Variants in ACVR2A observed in about 807,000 individuals in gnomAD.
The protein encoded by ACVR2A is activin A receptor type 2A.
Under a neutral mutation model 61.4 loss-of-function variants are expected in ACVR2A, and 7 were observed. The ratio of observed to expected loss-of-function variants is 0.11; its 90% CI spans 0.06 to 0.21. ACVR2A has a LOEUF of 0.21. Among genes scored for constraint, ACVR2A ranks in the 10% least tolerant of loss-of-function variants. ACVR2A has a pLI of 1.00. For missense variants in ACVR2A, 322 were observed against 621.7 expected (o/e 0.52, Z 5.13); for synonymous variants, 193 against 208.3 (o/e 0.93, Z 0.63).
At chr2:147,900,853 G>A (rs1225578788) in intron 4 of ACVR2A, among the ~76,000 whole-genome samples, 3 of 151,822 alleles carry the variant, frequency 2.0e-5, no homozygotes, top group African/African-American at 7.3e-5. Flanking sequence ...GAAAAAAATG[G>A]CAAAGTCCTA....
At chr2:147,925,005 A>C (rs1384300020) in intron 9 of ACVR2A, among the ~76,000 whole-genome samples, 2 of 151,984 alleles carry the variant, frequency 1.3e-5, no homozygotes, top group Admixed American at 1.3e-4. Context: ...TGACCCCTTT[A>C]TGATTCATTG....
At chr2:147,910,195 G>A (rs904296522) in intron 4 of ACVR2A, among the ~76,000 whole-genome samples, 1 of 151,990 alleles carries the variant, frequency 6.6e-6, no homozygotes, top group Non-Finnish European at 1.5e-5. Context: ...TTATTTTATA[G>A]CTTATCCTAA....
chr2:147,877,508 C>G (rs1284379558), intron 1 of ACVR2A: 2 of 152,134 alleles, frequency 1.3e-5, no homozygotes, highest in Non-Finnish European at 2.9e-5. Context: ...CATACAAATT[C>G]ATGAAGAACA....
intron 9 of ACVR2A, chr2:147,925,677 A>G (rs1687485708): frequency 6.0e-6 from 1 of 167,810 alleles, no homozygotes; most frequent in African/African-American, 2.4e-5. Context: ...TCTGATCTGA[A>G]TTGTAAGGAA....
intron 7 of ACVR2A, among the ~76,000 whole-genome samples, chr2:147,919,535 A>G (rs1430706947): frequency 2.0e-5 from 3 of 152,130 alleles, no homozygotes; most frequent in Non-Finnish European, 4.4e-5. Flanking sequence ...ATTGGTCTAT[A>G]TGTCTGCACA....
In ACVR2A at chr2:147,915,970, C is replaced by T. The variant is rs528304316; in HGVS notation, c.672+636C>T. 2.6e-5 allele frequency among the ~76,000 whole-genome samples: 4 copies of T among 151,938 alleles called. 1 individual carries two copies. The South Asian group carries it at 8.3e-4, about 32-fold the overall frequency. The stretch of plus-strand genomic sequence containing the variant: ...ATGATTCTGTCTTCCCCATCTCTTG[C>T]TTATATACCCTGGCAGCTCATGATA... On this transcript the variant is annotated intron_variant, in intron 5 of 10. Transcript: ENST00000241416.
At chr2:147,851,551 G>A (rs1202729315) in intron 1 of ACVR2A, among the ~76,000 whole-genome samples, 1 of 151,946 alleles carries the variant, frequency 6.6e-6, no homozygotes, top group Admixed American at 6.5e-5. Context: ...ATATCAGTAT[G>A]GTGCCTTTGT....
At chr2:147,855,226 G>A (rs1442441802) in intron 1 of ACVR2A, among the ~76,000 whole-genome samples, 4 of 152,108 alleles carry the variant, frequency 2.6e-5, no homozygotes, top group Non-Finnish European at 5.9e-5. Flanking sequence ...GCTCTACTGG[G>A]GTGGGGAAGG....
intron 1 of ACVR2A, among the ~76,000 whole-genome samples, chr2:147,893,484 C>T (rs1470794984): frequency 6.6e-6 from 1 of 152,158 alleles, no homozygotes; most frequent in Non-Finnish European, 1.5e-5. Flanking sequence ...CCATTTTGCT[C>T]TACCACCATC....
At chr2:147,865,461 T>C (rs749479700) in intron 1 of ACVR2A, among the ~76,000 whole-genome samples, 3 of 152,252 alleles carry the variant, frequency 2.0e-5, no homozygotes, top group Non-Finnish European at 2.9e-5. Flanking sequence ...TCTGCCTGTT[T>C]CTTCTCAAAG....
chr2:147,874,188 T>A (rs1175100109), intron 1 of ACVR2A, among the ~76,000 whole-genome samples: 1 of 151,926 alleles, frequency 6.6e-6, no homozygotes, highest in Admixed American at 6.6e-5. Context: ...TAAGAGCTCA[T>A]GCACTTAACT....
chr2:147,891,572 A>G (rs1034101705), intron 1 of ACVR2A, among the ~76,000 whole-genome samples: 1 of 151,498 alleles, frequency 6.6e-6, no homozygotes, highest in Non-Finnish European at 1.5e-5. Flanking sequence ...AAAACTACCA[A>G]AAAAATCCAA....
chr2:147,896,873 A>G (rs1573689278), intron 2 of ACVR2A: 1 of 167,760 alleles, frequency 6.0e-6, no homozygotes, highest in East Asian at 1.6e-4. Context: ...CTCAAGAAGA[A>G]TAAAACTTAA....
chr2:147,899,339 C>A, intron 2 of ACVR2A, 119 bp from the exon 3 acceptor site: 1 of 638,328 alleles, frequency 1.6e-6, no homozygotes. Context: ...GATATAAATA[C>A]GAATCTTGAA....
intron 1 of ACVR2A, among the ~76,000 whole-genome samples, chr2:147,883,608 T>C (rs1448165308): frequency 6.6e-6 from 1 of 152,148 alleles, no homozygotes; most frequent in East Asian, 1.9e-4. Context: ...AACATAGTTA[T>C]GAAAAAAACT....
chr2:147,891,628 A>C (rs1185877046), intron 1 of ACVR2A, among the ~76,000 whole-genome samples: 1 of 152,172 alleles, frequency 6.6e-6, no homozygotes, highest in African/African-American at 2.4e-5. Context: ...ATGAAATCCA[A>C]TTTTCAGTGT....
rs1055282790 is a variant in ACVR2A at position 147,893,376 on chromosome 2, A to G, written c.56-2925A>G. Among the ~76,000 whole-genome samples, 11 of 152,162 alleles carry G rather than the reference A, an allele frequency of 7.2e-5. 1 individual carries two copies. The highest frequency in any genetic ancestry group is 9.7e-5 in the African/African-American group (4 of 41,432). ...GATTTTTACATGGACTTATGTTTTTATCTCACGTAGATACCTACACATGTG... is the reference window on the plus strand; with the variant it reads ...GATTTTTACATGGACTTATGTTTTTGTCTCACGTAGATACCTACACATGTG... On this transcript the variant is annotated intron_variant, in intron 1 of 10. Coordinates refer to ENST00000241416, the MANE Select transcript of ACVR2A (RefSeq NM_001616.5).
intron 1 of ACVR2A, among the ~76,000 whole-genome samples, chr2:147,875,578 A>G (rs886218760): frequency 4.6e-5 from 7 of 152,102 alleles, no homozygotes; most frequent in African/African-American, 1.4e-4. Flanking sequence ...ATAGGCCTGC[A>G]AATCAGCATT....
Position 147,927,239 on chromosome 2 carries a change from A to T in ACVR2A, c.1507A>T (p.Asn503Tyr), listed in dbSNP as rs1195823364. 6.2e-7 allele frequency: 1 copy of T among 1,611,666 alleles called. No individual in the cohort carries two copies. The change falls in exon 11 of 11, where the codon AAT (asparagine) becomes TAT (tyrosine). Residue 503 changes from asparagine to tyrosine, a missense_variant. Transcript: ENST00000241416. ...DIVTVVTMVT[N>Y]VDFPPKESSL ...TGTAACAGTGGTCACAATGGTGACAAATGTTGACTTTCCTCCCAAAGAATC... is the reference window on the plus strand; with the variant it reads ...TGTAACAGTGGTCACAATGGTGACATATGTTGACTTTCCTCCCAAAGAATC...
Sources: allele counts gnomAD v4.1 joint callset (sites outside exome capture counted in the v4.1 genomes callset), GRCh38; gene constraint gnomAD v4.1.1; transcripts MANE v1.5; gene names NCBI Gene and HGNC (gene_info 2026-07-23, HGNC 2026-07-21).